The following CSMD1 variants were observed in gnomAD, a reference collection of about 807,000 sequenced individuals.
CSMD1 encodes CUB and Sushi multiple domains 1, also known as CUB and sushi domain-containing protein 1.
A neutral mutation model predicts 417.5 loss-of-function variants in CSMD1; 213 were observed. That is an observed-to-expected ratio of 0.51 (90% CI 0.46 to 0.57). CSMD1 has a LOEUF of 0.57. Ranked by LOEUF, CSMD1 falls within the 20% of genes least tolerant of loss-of-function variation. The pLI is 0.00. For missense variants in CSMD1, 6,923 were observed against 4,529.7 expected, an observed-to-expected ratio of 1.53 and a Z score of -15.17; for synonymous variants, 2,862 against 1,736.8, an observed-to-expected ratio of 1.65 and a Z score of -16.11.
chr8:3,305,837 G>C (rs756600156), intron 25 of CSMD1, among the ~76,000 whole-genome samples: 1 of 151,988 alleles, frequency 6.6e-6, no homozygotes, highest in South Asian at 2.1e-4. Flanking sequence ...CTGCCACCAC[G>C]TGTGGCTAAT....
intron 23 of CSMD1, among the ~76,000 whole-genome samples, chr8:3,337,400 C>T (rs185508080): frequency 1.2e-4 from 18 of 152,228 alleles, no homozygotes; most frequent in Admixed American, 9.8e-4. Flanking sequence ...TAATTACACC[C>T]GTGCCTGACT....
At chr8:4,059,509 T>G (rs1417431619) in intron 3 of CSMD1, among the ~76,000 whole-genome samples, 103 of 152,056 alleles carry the variant, frequency 6.8e-4, no homozygotes, top group Non-Finnish European at 4.6e-4. Context: ...CAGGAGCTGG[T>G]TTTTTGAAAG....
chr8:4,043,687 T>A (rs990929308), intron 3 of CSMD1, among the ~76,000 whole-genome samples: 1 of 152,208 alleles, frequency 6.6e-6, no homozygotes. Context: ...TTTATTTCAG[T>A]GTTCTGAATT....
At chr8:4,275,862 C>T (rs112780794) in intron 3 of CSMD1, among the ~76,000 whole-genome samples, 7 of 152,232 alleles carry the variant, frequency 4.6e-5, no homozygotes, top group Admixed American at 6.5e-5. Flanking sequence ...TTCCACAAGG[C>T]ATGAATTATA....
chr8:3,234,364 C>T (rs1000720381), intron 26 of CSMD1, among the ~76,000 whole-genome samples: 1 of 152,162 alleles, frequency 6.6e-6, no homozygotes, highest in African/African-American at 2.4e-5. Context: ...GCCACTCAAT[C>T]ACACTTATTT....
At chr8:4,543,027 G>T (rs1194727270) in intron 2 of CSMD1, among the ~76,000 whole-genome samples, 1 of 152,144 alleles carries the variant, frequency 6.6e-6, no homozygotes, top group Non-Finnish European at 1.5e-5. Flanking sequence ...TAAGGTGATG[G>T]TAAAATGTAG....
At chr8:4,825,456 G>C (rs1187185805) in intron 1 of CSMD1, among the ~76,000 whole-genome samples, 1 of 152,024 alleles carries the variant, frequency 6.6e-6, no homozygotes, top group Non-Finnish European at 1.5e-5. Context: ...AACTTACTCA[G>C]TTTGCATGAT....
At chr8:4,228,931 T>A (rs940247833) in intron 3 of CSMD1, among the ~76,000 whole-genome samples, 2 of 152,066 alleles carry the variant, frequency 1.3e-5, no homozygotes, top group Non-Finnish European at 2.9e-5. Flanking sequence ...TCTCCAAAAG[T>A]GCTGGGATTA....
chr8:4,473,131 A>T lies in CSMD1; in HGVS notation c.303-53066T>A, dbSNP rs1451526648. 2.0e-5 allele frequency among the ~76,000 whole-genome samples: 3 copies of T among 152,170 alleles called. No homozygotes were observed. The East Asian group carries it at 5.8e-4, about 29-fold the overall frequency. On this transcript the variant is annotated intron_variant, in intron 2 of 69. Coordinates refer to ENST00000635120, the MANE Select transcript of CSMD1 (RefSeq NM_033225.6). Reference sequence around the variant, plus strand: ...TTTGAATTTAGATAATTACAACCTTATAGTAAATTCCTGGAATATAGATTT... The same window carrying T: ...TTTGAATTTAGATAATTACAACCTTTTAGTAAATTCCTGGAATATAGATTT...
At chr8:3,822,529 G>C (rs1372924882) in intron 5 of CSMD1, among the ~76,000 whole-genome samples, 1 of 152,200 alleles carries the variant, frequency 6.6e-6, no homozygotes, top group Admixed American at 6.5e-5. Flanking sequence ...GTTAATTAAT[G>C]TCTTCCCCGA....
At chr8:3,382,559 TTCTC>T (rs5888963) in intron 18 of CSMD1, among the ~76,000 whole-genome samples, 68,012 of 136,452 alleles carry the variant, frequency 0.5, 16,496 homozygotes, top group Middle Eastern at 0.53. Context: ...CATTATGTCT[TTCTC>T]TATATATATC....
At chr8:4,639,970 G>T (rs1436788538) in intron 1 of CSMD1, among the ~76,000 whole-genome samples, 1 of 152,114 alleles carries the variant, frequency 6.6e-6, no homozygotes, top group African/African-American at 2.4e-5. Flanking sequence ...TAGCTTGTCT[G>T]CTTTACGAGT....
At chr8:3,110,057 G>C in intron 43 of CSMD1, 101 bp downstream of exon 43, 1 of 1,019,052 alleles carries the variant, frequency 9.8e-7, no homozygotes, top group Non-Finnish European at 1.4e-6. Flanking sequence ...TATCTAAGAA[G>C]TTTATTCTAA....
At chr8:3,438,084 T>C (rs572357129) in intron 12 of CSMD1, among the ~76,000 whole-genome samples, 3 of 152,330 alleles carry the variant, frequency 2.0e-5, no homozygotes, top group Non-Finnish European at 4.4e-5. Flanking sequence ...GTAGAAAAGC[T>C]TCAGACTTAG....
intron 5 of CSMD1, among the ~76,000 whole-genome samples, chr8:3,990,667 C>G (rs1278587595): frequency 1.3e-5 from 2 of 152,158 alleles, no homozygotes; most frequent in African/African-American, 4.8e-5. Context: ...CTCTAGAATG[C>G]TATTTCTAGA....
At chr8:4,146,718 T>C (rs1486451154) in intron 3 of CSMD1, among the ~76,000 whole-genome samples, 1 of 142,492 alleles carries the variant, frequency 7.0e-6, no homozygotes, top group Non-Finnish European at 1.5e-5. Context: ...TTCACGCCAT[T>C]CTCCTGCCTC....
chr8:4,665,542 G>T (rs1481687749), intron 1 of CSMD1, among the ~76,000 whole-genome samples: 2 of 152,126 alleles, frequency 1.3e-5, no homozygotes, highest in African/African-American at 4.8e-5. Flanking sequence ...GTGGCAGCTG[G>T]TTATCAGTGA....
chr8:3,372,942 A>G (rs74528767), intron 18 of CSMD1, among the ~76,000 whole-genome samples: 1,907 of 152,300 alleles, frequency 0.013, 39 homozygotes, highest in African/African-American at 0.043. Context: ...TCCCGAATTC[A>G]GAAGGTTTGG....
chr8:4,062,741 A>T (rs1268722414), intron 3 of CSMD1, among the ~76,000 whole-genome samples: 1 of 152,098 alleles, frequency 6.6e-6, no homozygotes, highest in African/African-American at 2.4e-5. Flanking sequence ...ATTCAAAAAA[A>T]AAAAAAGGCA....
Sources: allele counts gnomAD v4.1 joint callset (sites outside exome capture counted in the v4.1 genomes callset), GRCh38; gene constraint gnomAD v4.1.1; transcripts MANE v1.5; gene names NCBI Gene and HGNC (gene_info 2026-07-23, HGNC 2026-07-21).